Variants in ZBTB32 observed in about 807,000 individuals in gnomAD.
ZBTB32 encodes the protein zinc finger and BTB domain-containing protein 32.
A neutral mutation model predicts 45.3 loss-of-function variants in ZBTB32; 28 were observed. The ratio of observed to expected loss-of-function variants is 0.62; its 90% CI spans 0.46 to 0.85. ZBTB32 has a LOEUF of 0.85. Among genes scored for constraint, ZBTB32 ranks in the 40% least tolerant of loss-of-function variants. ZBTB32 has a pLI of 0.00. For synonymous variants in ZBTB32, 283 were observed against 255.7 expected, an observed-to-expected ratio of 1.11 and a Z score of -1.02; for missense variants, 587 against 624.4, an observed-to-expected ratio of 0.94 and a Z score of 0.64.
intron 1 of ZBTB32, among the ~76,000 whole-genome samples, chr19:35,710,309 A>G (rs776862641): frequency 1.3e-5 from 2 of 152,130 alleles, no homozygotes; most frequent in Non-Finnish European, 2.9e-5. Context: ...TGCCCTACCT[A>G]ATCTCTCTAC....
intron 3 of ZBTB32, 89 bp from the exon 4 acceptor site, chr19:35,715,668 C>CG (rs956264842): frequency 6.5e-5 from 98 of 1,496,760 alleles, no homozygotes; most frequent in East Asian, 4.4e-4. Flanking sequence ...GCCCAGCCCC[C>CG]GGGGGAGGAC....
intron 1 of ZBTB32, among the ~76,000 whole-genome samples, chr19:35,710,851 G>A (rs1006581478): frequency 2.6e-5 from 4 of 152,206 alleles, no homozygotes; most frequent in Admixed American, 2.6e-4. Flanking sequence ...GGCTTGGGTT[G>A]CACTGTCAAG....
rs1968922339 is a variant in ZBTB32, at chr19:35,716,721, C to T, written c.1433C>T (p.Ser478Phe). Reference sequence around the variant, plus strand: ...TCGAGGCCGTCTCGGCCCTCGACCTCTCCCTGTTGTCCTTCTTCCTCCACC... The same window carrying T: ...TCGAGGCCGTCTCGGCCCTCGACCTTTCCCTGTTGTCCTTCTTCCTCCACC... ...SSSRPSRPST[S>F]PCCPSSSTT The change falls in exon 7 of 7, where the codon TCT (serine) becomes TTT (phenylalanine). Residue 478 changes from serine (S) to phenylalanine (F), a missense_variant. Transcript: ENST00000392197. The T allele has an allele frequency of 6.2e-7, 1 of 1,612,572 alleles. No individual in the cohort carries two copies. Among genetic ancestry groups the T allele is most frequent in the Non-Finnish European group, 8.5e-7 (1 of 1,178,748 alleles).
rs960076884 is a variant in ZBTB32 at position 35,714,623 on chromosome 19, C to T, written c.-4C>T. ...TCTGAGTTAGGTACCCAAGCCAAGGCACAATGTCCCTGCCCCCCATAAGAC... is the reference window on the plus strand; with the variant it reads ...TCTGAGTTAGGTACCCAAGCCAAGGTACAATGTCCCTGCCCCCCATAAGAC... On this transcript the variant is annotated 5_prime_UTR_variant, in exon 3 of 7. Coordinates refer to ENST00000392197, the MANE Select transcript of ZBTB32 (RefSeq NM_014383.3). The T allele has an allele frequency of 3.3e-6, 5 of 1,519,170 alleles. No individual in the cohort carries two copies. The African/African-American group carries it at 4.2e-5, about 13-fold the overall frequency. The allele number at this position is 1,519,170 out of a possible 1,614,324, so 94.1% of individuals were successfully genotyped here.
In ZBTB32 at chr19:35,716,676, C is replaced by A. The variant is rs779622219; in HGVS notation, c.1388C>A (p.Ser463Tyr). The A allele has an allele frequency of 6.2e-7, 1 of 1,614,000 alleles. No individual in the cohort carries two copies. The highest frequency in any genetic ancestry group is 8.5e-7 in the Non-Finnish European group (1 of 1,180,008). ...SQLPPGWTIR[S>Y]TFLYSSSRPS... ...CTCCCGCCCGGATGGACCATCCGCT[C>A]CACCTTCCTCTACTCCTCCTCGAGG... The change falls in exon 7 of 7, where the codon TCC (serine) becomes TAC (tyrosine). Residue 463 changes from serine to tyrosine, a missense_variant. By Grantham distance (144) the Ser-to-Tyr change is moderately radical. Coordinates refer to ENST00000392197, the MANE Select transcript of ZBTB32 (RefSeq NM_014383.3).
At chr19:35,710,687 A>G (rs1968665245) in intron 1 of ZBTB32, among the ~76,000 whole-genome samples, 1 of 152,194 alleles carries the variant, frequency 6.6e-6, no homozygotes, top group South Asian at 2.1e-4. Flanking sequence ...CCAGAGGCAG[A>G]GGTTGCAGTG....
chr19:35,708,412 G>A (rs1176769523), intron 1 of ZBTB32, among the ~76,000 whole-genome samples: 8 of 152,262 alleles, frequency 5.3e-5, no homozygotes, highest in Middle Eastern at 3.4e-3. Flanking sequence ...CAGCCTATGC[G>A]AAGGGATACA....
Position 35,715,748 on chromosome 19 carries a change from C to A in ZBTB32, c.882-9C>A, listed in dbSNP as rs1048071043. On this transcript the variant is annotated splice_polypyrimidine_tract_variant and intron_variant, in intron 3 of 6. Transcript: ENST00000392197. ...GCCAAGGCTGTAACTCTTCCCCACC[C>A]CATCCCAGGATCCCACTGTCCCTAA... 3 of 1,603,424 alleles carry A rather than the reference C, an allele frequency of 1.9e-6. No individual in the cohort carries two copies. The highest frequency in any genetic ancestry group is 2.6e-6 in the Non-Finnish European group (3 of 1,173,584).
At chr19:35,707,921 G>A (rs1968588975) in intron 1 of ZBTB32, among the ~76,000 whole-genome samples, 1 of 152,084 alleles carries the variant, frequency 6.6e-6, no homozygotes, top group Admixed American at 6.5e-5. Context: ...GGCAGAGGTT[G>A]CACTGAGCCA....
At chr19:35,707,753 G>A (rs770630766) in intron 1 of ZBTB32, among the ~76,000 whole-genome samples, 31 of 152,126 alleles carry the variant, frequency 2.0e-4, no homozygotes, top group Non-Finnish European at 2.8e-4. Flanking sequence ...AGGCTGAGGC[G>A]GGTGGATCAC....
chr19:35,716,198 C>G lies in ZBTB32; in HGVS notation c.1090C>G (p.Pro364Ala). ...AGCPPRPHPP[P>A]APPARSRPYA... ...CTGCCCACCTCGCCCGCACCCTCCC[C>G]CGGCCCCTCCTGCTCGGTCTCGGCC... Residue 364 changes from proline (P) to alanine (A), a missense_variant, in exon 6 of 7, where the codon CCG becomes GCG. Pro to Ala is a conservative substitution (Grantham distance 27, BLOSUM62 -1). Transcript: ENST00000392197. 6.2e-7 allele frequency: 1 copy of G among 1,613,920 alleles called. No homozygotes were observed. The highest frequency in any genetic ancestry group is 8.5e-7 in the Non-Finnish European group (1 of 1,179,954).
rs770292885 is a variant in ZBTB32, at chr19:35,714,698, C to T, written c.72C>T (p.Leu24=). ...SDRLVQLAAR[L]RPALCDTLIT... is the part of the protein sequence containing the mutation. ...GGCTGGTACAGCTAGCAGCCAGGCT[C>T]CGGCCAGCACTCTGTGATACTCTGA... The change falls in exon 3 of 7, where the codon CTC becomes CTT. Residue 24 remains leucine (L), a synonymous_variant. Coordinates refer to ENST00000392197, the MANE Select transcript of ZBTB32 (RefSeq NM_014383.3). 2 of 1,608,490 alleles carry T rather than the reference C, an allele frequency of 1.2e-6. No individual in the cohort carries two copies. The highest frequency in any genetic ancestry group is 2.7e-5 in the African/African-American group (2 of 74,770).
At chr19:35,707,214 A>G (rs1256428236) in intron 1 of ZBTB32, among the ~76,000 whole-genome samples, 1 of 151,364 alleles carries the variant, frequency 6.6e-6, no homozygotes, top group Non-Finnish European at 1.5e-5. Flanking sequence ...AAAAAAAAAA[A>G]AAGAACAATT....
Position 35,716,819 on chromosome 19 carries a change from T to A in ZBTB32, c.*67T>A, listed in dbSNP as rs1422466249. 6.5e-7 allele frequency: 1 copy of A among 1,535,412 alleles called. No individual in the cohort carries two copies. The highest frequency in any genetic ancestry group is 1.4e-5 in the African/African-American group (1 of 73,452). On this transcript the variant is annotated 3_prime_UTR_variant, in exon 7 of 7. Transcript: ENST00000392197. ...ACGAAAAGCGGGCCGGCTCGGCTTC[T>A]GACCTGGCACCGCTGCTACGGCGGC...
rs1043442202 is a variant in ZBTB32, at chr19:35,716,283, A to G, written c.1175A>G (p.Tyr392Cys). The change falls in exon 6 of 7, where the codon TAC (tyrosine) becomes TGC (cysteine). Residue 392 changes from tyrosine to cysteine, a missense_variant. By Grantham distance (194) the Tyr-to-Cys change is radical. Transcript: ENST00000392197. ...FSLKHQMETH[Y>C]RVHTGEKPFS... ...CTCAAGCATCAGATGGAGACGCACT[A>G]CCGAGTCCACACAGGTATGGGCGCC... 2 of 1,611,554 alleles carry G rather than the reference A, an allele frequency of 1.2e-6. No homozygotes were observed. Among genetic ancestry groups the G allele is most frequent in the Non-Finnish European group, 1.7e-6 (2 of 1,179,166 alleles).
intron 1 of ZBTB32, among the ~76,000 whole-genome samples, chr19:35,711,885 C>T (rs751969418): frequency 2.6e-5 from 4 of 151,902 alleles, no homozygotes; most frequent in African/African-American, 4.8e-5. Context: ...ATTAGCCGGG[C>T]GTGGTGGCGG....
rs758252504 is a variant in ZBTB32 at position 35,715,133 on chromosome 19, G to A, written c.507G>A (p.Ser169=). The change falls in exon 3 of 7, where the codon TCG becomes TCA. Residue 169 remains serine, a synonymous_variant. Transcript: ENST00000392197. ...GREQEMLHKH[S]PPRGRPEMAG... Reference sequence around the variant, plus strand: ...AACAGGAGATGTTGCACAAGCACTCGCCACCAAGAGGCAGACCCGAGATGG... The same window carrying A: ...AACAGGAGATGTTGCACAAGCACTCACCACCAAGAGGCAGACCCGAGATGG... 178 of 1,613,862 alleles carry A rather than the reference G, an allele frequency of 1.1e-4. No homozygotes were observed. The highest frequency in any genetic ancestry group is 3.0e-4 in the Admixed American group (18 of 59,994).
rs754384073 is a variant in ZBTB32, at chr19:35,714,734, G to A, written c.108G>A (p.Gly36=). ...TCTGTGATACTCTGATCACCGTAGGGAGCCAGGAGTTCCCCGCCCACAGCC... is the reference window on the plus strand; with the variant it reads ...TCTGTGATACTCTGATCACCGTAGGAAGCCAGGAGTTCCCCGCCCACAGCC... ...PALCDTLITV[G]SQEFPAHSLV... is the part of the protein sequence containing the mutation. Residue 36 remains glycine (G), a synonymous_variant, in exon 3 of 7, where the codon GGG becomes GGA. Transcript: ENST00000392197. 6.2e-6 allele frequency: 10 copies of A among 1,614,112 alleles called. No individual in the cohort carries two copies. The highest frequency in any genetic ancestry group is 8.5e-6 in the Non-Finnish European group (10 of 1,180,028).
chr19:35,706,103 C>A (rs1968533339), intron 1 of ZBTB32, among the ~76,000 whole-genome samples: 1 of 151,596 alleles, frequency 6.6e-6, no homozygotes, highest in South Asian at 2.1e-4. Context: ...TGGCACATGC[C>A]TGTAATCCCA....
Sources: gnomAD v4.1 joint callset for allele counts (sites outside exome capture counted in the v4.1 genomes callset) on GRCh38, gnomAD v4.1.1 for gene constraint, MANE v1.5 for transcripts, NCBI Gene and HGNC (gene_info 2026-07-23, HGNC 2026-07-21) for gene names.